The following CSMD3 variants were observed in gnomAD, a reference collection of about 807,000 sequenced individuals.
CSMD3 encodes CUB and Sushi multiple domains 3, also known as CUB and sushi domain-containing protein 3.
A neutral mutation model predicts 435.2 loss-of-function variants in CSMD3; 177 were observed. The observed-to-expected ratio is 0.41, with a 90% CI of 0.36 to 0.46. CSMD3 has a LOEUF of 0.46. Ranked by LOEUF, CSMD3 falls within the 20% of genes least tolerant of loss-of-function variation. The pLI is 0.34. For missense variants in CSMD3, 4,265 were observed against 4,504.6 expected (o/e 0.95, Z 1.52); for synonymous variants, 1,656 against 1,520.5 (o/e 1.09, Z -2.07).
intron 27 of CSMD3, among the ~76,000 whole-genome samples, chr8:112,537,024 T>C (rs974972656): frequency 6.6e-6 from 1 of 151,342 alleles, no homozygotes; most frequent in African/African-American, 2.4e-5. Context: ...CATTTTGGGG[T>C]AGGGGGAAGG....
intron 32 of CSMD3, among the ~76,000 whole-genome samples, chr8:112,437,454 C>A (rs540712590): frequency 2.6e-5 from 4 of 151,916 alleles, no homozygotes; most frequent in Admixed American, 2.6e-4. Flanking sequence ...TTTGTCACGA[C>A]GGAATATGTA....
At chr8:113,205,892 C>T (rs1475603069) in intron 3 of CSMD3, among the ~76,000 whole-genome samples, 4 of 151,948 alleles carry the variant, frequency 2.6e-5, no homozygotes, top group Admixed American at 2.6e-4. Flanking sequence ...CACGTTTGTT[C>T]AGGTTAGATG....
intron 3 of CSMD3, among the ~76,000 whole-genome samples, chr8:113,236,286 G>A (rs189182930): frequency 2.1e-4 from 32 of 152,170 alleles, no homozygotes; most frequent in African/African-American, 7.7e-4. Context: ...TCCCCTTAAG[G>A]CACTAGCTGC....
At chr8:113,277,064 A>G (rs558531047) in intron 3 of CSMD3, among the ~76,000 whole-genome samples, 8 of 152,012 alleles carry the variant, frequency 5.3e-5, no homozygotes, top group Non-Finnish European at 1.2e-4. Context: ...TACTTCCTGA[A>G]AGCTTAAACT....
At chr8:113,203,071 G>C (rs72687637) in intron 3 of CSMD3, among the ~76,000 whole-genome samples, 1 of 151,928 alleles carries the variant, frequency 6.6e-6, no homozygotes, top group East Asian at 1.9e-4. Flanking sequence ...TAAGATGACT[G>C]TACTTAACAA....
chr8:112,687,505 CAT>C (rs562010147), intron 14 of CSMD3, among the ~76,000 whole-genome samples: 24 of 152,164 alleles, frequency 1.6e-4, no homozygotes, highest in African/African-American at 5.5e-4. Context: ...CTTTTAGCAT[CAT>C]ATGTTTTATT....
chr8:113,208,806 T>C (rs1475432925), intron 3 of CSMD3, among the ~76,000 whole-genome samples: 1 of 152,080 alleles, frequency 6.6e-6, no homozygotes. Flanking sequence ...TATGTAAGGG[T>C]ACATGTAGTG....
At chr8:112,612,958 T>A (rs932184342) in intron 22 of CSMD3, among the ~76,000 whole-genome samples, 1 of 150,522 alleles carries the variant, frequency 6.6e-6, no homozygotes, top group Non-Finnish European at 1.5e-5. Context: ...GTTGAAGGGG[T>A]GGTCTGAGAT....
intron 32 of CSMD3, among the ~76,000 whole-genome samples, chr8:112,422,338 C>T (rs1394571085): frequency 1.3e-5 from 2 of 152,120 alleles, no homozygotes; most frequent in Non-Finnish European, 2.9e-5. Flanking sequence ...AAAATACACA[C>T]ATCATTTATA....
At chr8:112,858,453 G>T (rs577440403) in intron 11 of CSMD3, among the ~76,000 whole-genome samples, 20 of 151,804 alleles carry the variant, frequency 1.3e-4, no homozygotes, top group Non-Finnish European at 2.8e-4. Context: ...AGATTTGAGA[G>T]AAATGATGAT....
At chr8:113,219,474 A>G (rs1206710520) in intron 3 of CSMD3, among the ~76,000 whole-genome samples, 2 of 151,512 alleles carry the variant, frequency 1.3e-5, no homozygotes, top group East Asian at 1.9e-4. Flanking sequence ...TACCAAAGTA[A>G]CAAAAAAATG....
chr8:112,859,095 G>A (rs759315019), intron 11 of CSMD3, 50 bp downstream of exon 11: 3 of 1,555,692 alleles, frequency 1.9e-6, no homozygotes, highest in Non-Finnish European at 2.7e-6. Flanking sequence ...CTTTGCCTTT[G>A]TCTTTATGAT....
chr8:112,855,211 G>A (rs1268283366), intron 11 of CSMD3, among the ~76,000 whole-genome samples: 2 of 152,022 alleles, frequency 1.3e-5, no homozygotes, highest in East Asian at 3.9e-4. Flanking sequence ...ATTTGTATCG[G>A]CTAGACCAAT....
chr8:112,724,751 ATG>A (rs1477364460), intron 13 of CSMD3, among the ~76,000 whole-genome samples: 1 of 152,038 alleles, frequency 6.6e-6, no homozygotes, highest in Non-Finnish European at 1.5e-5. Flanking sequence ...GAAGGAGTGA[ATG>A]TGAGAGACAA....
rs540583442 is a variant in CSMD3, at chr8:112,892,178, T to C, written c.1633+29449A>G. 1.1e-4 allele frequency among the ~76,000 whole-genome samples: 16 copies of C among 151,684 alleles called. No individual in the cohort carries two copies. In the East Asian group the frequency reaches 1.6e-3, roughly 15 times the overall value. On this transcript the variant is annotated intron_variant, in intron 10 of 70. Transcript: ENST00000297405. ...TATTGCCATTCCCAGGAATATATTA[T>C]TTTTTGTTGGTGTAGTTGAGCAAAT... is the stretch of plus-strand genomic sequence containing the variant.
intron 32 of CSMD3, among the ~76,000 whole-genome samples, chr8:112,468,470 T>C (rs1005149791): frequency 3.3e-5 from 5 of 152,090 alleles, no homozygotes; most frequent in Non-Finnish European, 5.9e-5. Context: ...ACACATTTAT[T>C]CCCAAATTTT....
At chr8:112,961,378 A>G (rs933585890) in intron 7 of CSMD3, among the ~76,000 whole-genome samples, 26 of 151,904 alleles carry the variant, frequency 1.7e-4, no homozygotes, top group Middle Eastern at 3.2e-3. Flanking sequence ...GTAGAAATGT[A>G]TAAAACCATA....
intron 24 of CSMD3, among the ~76,000 whole-genome samples, chr8:112,559,812 G>T (rs542004868): frequency 6.6e-6 from 1 of 151,708 alleles, no homozygotes; most frequent in Non-Finnish European, 1.5e-5. Flanking sequence ...TAGGGTAAAT[G>T]ATGTAATAAA....
At chr8:112,241,419 T>G (rs1045359351) in intron 66 of CSMD3, among the ~76,000 whole-genome samples, 1 of 152,064 alleles carries the variant, frequency 6.6e-6, no homozygotes, top group Non-Finnish European at 1.5e-5. Flanking sequence ...AAATAAGACC[T>G]CATTTTTATT....
Sources: allele counts gnomAD v4.1 joint callset (sites outside exome capture counted in the v4.1 genomes callset), GRCh38; gene constraint gnomAD v4.1.1; transcripts MANE v1.5; gene names NCBI Gene and HGNC (gene_info 2026-07-23, HGNC 2026-07-21).